The following NEGR1 variants were observed in gnomAD, a reference collection of about 807,000 sequenced individuals.
NEGR1 encodes neuronal growth regulator 1, also known as IgLON family member 4.
In NEGR1, 10 loss-of-function variants were observed where a neutral mutation model predicts 40.9. The observed-to-expected ratio is 0.24, with a 90% CI of 0.15 to 0.42. The LOEUF is 0.42. Ranked by LOEUF, NEGR1 falls within the 10% of genes least tolerant of loss-of-function variation. The pLI is 1.00. For missense variants in NEGR1, 352 were observed against 438.9 expected (o/e 0.80, Z 1.77); for synonymous variants, 185 against 166.8 (o/e 1.11, Z -0.84).
intron 2 of NEGR1, among the ~76,000 whole-genome samples, chr1:71,913,046 C>G (rs1557430297): frequency 6.6e-6 from 1 of 151,880 alleles, no homozygotes; most frequent in Non-Finnish European, 1.5e-5. Flanking sequence ...CACAATATAT[C>G]CTAAATTCAT....
At chr1:71,862,759 A>T (rs1557680801) in intron 2 of NEGR1, among the ~76,000 whole-genome samples, 1 of 152,102 alleles carries the variant, frequency 6.6e-6, no homozygotes, top group East Asian at 1.9e-4. Context: ...TAACAAAAAA[A>T]CAAACAACAC....
intron 6 of NEGR1, among the ~76,000 whole-genome samples, chr1:71,510,626 G>C (rs1384614855): frequency 2.6e-5 from 4 of 152,248 alleles, no homozygotes; most frequent in African/African-American, 9.6e-5. Context: ...TAACCTTATG[G>C]GGGGATAATG....
At chr1:71,717,999 T>C (rs977613376) in intron 3 of NEGR1, among the ~76,000 whole-genome samples, 1 of 152,136 alleles carries the variant, frequency 6.6e-6, no homozygotes, top group Non-Finnish European at 1.5e-5. Context: ...GCCTCCAGAA[T>C]TGTGAGACAA....
At chr1:72,156,056 C>T (rs1488131667) in intron 1 of NEGR1, among the ~76,000 whole-genome samples, 3 of 152,084 alleles carry the variant, frequency 2.0e-5, no homozygotes, top group African/African-American at 4.8e-5. Context: ...TAAGCCATAA[C>T]ATTTGAAAAA....
intron 1 of NEGR1, among the ~76,000 whole-genome samples, chr1:72,029,647 A>C (rs1646840461): frequency 6.6e-6 from 1 of 152,226 alleles, no homozygotes; most frequent in South Asian, 2.1e-4. Flanking sequence ...TTGAAGAATT[A>C]TTCGAACTTT....
intron 1 of NEGR1, among the ~76,000 whole-genome samples, chr1:72,088,361 A>AT (rs1364061655): frequency 2.0e-5 from 3 of 152,208 alleles, no homozygotes; most frequent in Non-Finnish European, 4.4e-5. Context: ...GGTGATTTTC[A>AT]TAAAAACTAA....
intron 6 of NEGR1, among the ~76,000 whole-genome samples, chr1:71,529,728 A>C (rs1263891486): frequency 6.6e-6 from 1 of 151,206 alleles, no homozygotes; most frequent in Non-Finnish European, 1.5e-5. Context: ...CTTATAGTCC[A>C]GCACAACAAT....
intron 5 of NEGR1, among the ~76,000 whole-genome samples, chr1:71,604,331 A>G (rs574167289): frequency 5.3e-5 from 8 of 152,300 alleles, no homozygotes; most frequent in African/African-American, 1.9e-4. Context: ...TGACATAAAT[A>G]AATTGCATGA....
intron 2 of NEGR1, among the ~76,000 whole-genome samples, chr1:71,780,267 T>A (rs1656664254): frequency 6.6e-6 from 1 of 152,210 alleles, no homozygotes; most frequent in African/African-American, 2.4e-5. Context: ...TAAATTGTCA[T>A]GTACTTTAAG....
intron 1 of NEGR1, among the ~76,000 whole-genome samples, chr1:72,178,183 C>G (rs566551023): frequency 2.0e-5 from 3 of 151,874 alleles, no homozygotes; most frequent in Non-Finnish European, 4.4e-5. Context: ...AAGGAACAAT[C>G]TGTCATGTTT....
At chr1:72,035,552 G>A (rs1194156826) in intron 1 of NEGR1, among the ~76,000 whole-genome samples, 1 of 152,158 alleles carries the variant, frequency 6.6e-6, no homozygotes, top group Non-Finnish European at 1.5e-5. Context: ...TGTGTCTAGA[G>A]TTATTTCTAC....
chr1:71,923,902 ACTTT>A (rs1645744817), intron 2 of NEGR1, among the ~76,000 whole-genome samples: 3 of 148,446 alleles, frequency 2.0e-5, no homozygotes, highest in Non-Finnish European at 3.0e-5. Flanking sequence ...GTTAATAGGC[ACTTT>A]CTTTTTTTTT....
chr1:71,609,331 T>C (rs959620169), intron 5 of NEGR1, among the ~76,000 whole-genome samples: 32 of 150,968 alleles, frequency 2.1e-4, no homozygotes, highest in African/African-American at 7.8e-4. Flanking sequence ...CTAGCTAACA[T>C]GGTGAAACCC....
chr1:72,170,459 A>G (rs928105314), intron 1 of NEGR1, among the ~76,000 whole-genome samples: 2 of 152,180 alleles, frequency 1.3e-5, no homozygotes, highest in African/African-American at 4.8e-5. Context: ...GTCTGCAGTA[A>G]TACTAGTGTC....
intron 2 of NEGR1, among the ~76,000 whole-genome samples, chr1:71,885,822 G>T (rs1445109743): frequency 6.6e-6 from 1 of 152,006 alleles, no homozygotes; most frequent in Non-Finnish European, 1.5e-5. Context: ...TCTGTTCTAG[G>T]TTTACCTGGA....
At chr1:71,484,030 C>T (rs756324863) in intron 6 of NEGR1, among the ~76,000 whole-genome samples, 3 of 151,518 alleles carry the variant, frequency 2.0e-5, no homozygotes, top group Admixed American at 2.0e-4. Context: ...AATTTGAAAA[C>T]CATATGGGTT....
chr1:71,836,145 A>G (rs1659019251), intron 2 of NEGR1, among the ~76,000 whole-genome samples: 1 of 151,880 alleles, frequency 6.6e-6, no homozygotes, highest in Non-Finnish European at 1.5e-5. Context: ...CCAAATAGAC[A>G]AAATCCAGGC....
At chr1:72,083,481 C>A (rs1231299464) in intron 1 of NEGR1, among the ~76,000 whole-genome samples, 1 of 152,026 alleles carries the variant, frequency 6.6e-6, no homozygotes, top group Admixed American at 6.6e-5. Flanking sequence ...GCTTCAGCTT[C>A]AAAAGTAGTT....
At chr1:71,740,562 T>G (rs904558021) in intron 3 of NEGR1, among the ~76,000 whole-genome samples, 15 of 152,124 alleles carry the variant, frequency 9.9e-5, no homozygotes, top group African/African-American at 3.4e-4. Flanking sequence ...CTGGGGCCTG[T>G]CTGCTGAACA....
Sources: gnomAD v4.1 joint callset for allele counts (sites outside exome capture counted in the v4.1 genomes callset) on GRCh38, gnomAD v4.1.1 for gene constraint, MANE v1.5 for transcripts, NCBI Gene and HGNC (gene_info 2026-07-23, HGNC 2026-07-21) for gene names.